Variants in CSRNP3 observed in about 807,000 individuals in gnomAD.
The protein encoded by CSRNP3 is cysteine/serine-rich nuclear protein 3.
Under a neutral mutation model 48.0 loss-of-function variants are expected in CSRNP3, and 12 were observed. The ratio of observed to expected loss-of-function variants is 0.25; its 90% CI spans 0.16 to 0.41. The LOEUF is 0.41. Ranked by LOEUF, CSRNP3 falls within the 10% of genes least tolerant of loss-of-function variation. CSRNP3 has a pLI of 1.00. For missense variants in CSRNP3, 580 were observed against 724.4 expected (o/e 0.80, Z 2.29); for synonymous variants, 263 against 269.7 (o/e 0.98, Z 0.24).
At chr2:165,570,219 C>A (rs1685350676) in intron 3 of CSRNP3, among the ~76,000 whole-genome samples, 1 of 151,920 alleles carries the variant, frequency 6.6e-6, no homozygotes, top group African/African-American at 2.4e-5. Context: ...AGATTATTAC[C>A]ATCCCGTGAT....
intron 5 of CSRNP3, among the ~76,000 whole-genome samples, chr2:165,660,292 G>A (rs964745457): frequency 1.3e-5 from 2 of 152,204 alleles, no homozygotes; most frequent in Non-Finnish European, 1.5e-5. Flanking sequence ...GGAAGACCCA[G>A]TGGAATAGGT....
At chr2:165,509,120 C>T (rs1684466692) in intron 2 of CSRNP3, among the ~76,000 whole-genome samples, 1 of 152,130 alleles carries the variant, frequency 6.6e-6, no homozygotes, top group Admixed American at 6.6e-5. Flanking sequence ...GAGAAAGCCC[C>T]TCCCCTCATG....
intron 2 of CSRNP3, among the ~76,000 whole-genome samples, chr2:165,507,367 G>A (rs1684440545): frequency 6.6e-6 from 1 of 152,068 alleles, no homozygotes; most frequent in Non-Finnish European, 1.5e-5. Flanking sequence ...TGGTACCCCA[G>A]AACCTAAGCA....
chr2:165,500,989 C>A lies in CSRNP3; in HGVS notation c.-113+6061C>A, dbSNP rs74370669. Among the ~76,000 whole-genome samples the A allele has an allele frequency of 9.3e-3, 1,422 of 152,168 alleles. 27 individuals carry two copies. Among genetic ancestry groups the A allele is most frequent in the African/African-American group, 0.032 (1,332 of 41,504 alleles). On this transcript the variant is annotated intron_variant, in intron 2 of 6. Coordinates refer to ENST00000651982, the MANE Select transcript of CSRNP3 (RefSeq NM_001172173.2). The stretch of plus-strand genomic sequence containing the variant: ...CCATTATCTTCTTGCTCTGTCAGAT[C>A]CAACTTTCTGCTGTTTGCTGTTTCT...
rs150879580 is a variant in CSRNP3, at chr2:165,503,810, C to T, written c.-113+8882C>T. On this transcript the variant is annotated intron_variant, in intron 2 of 6. Coordinates refer to ENST00000651982, the MANE Select transcript of CSRNP3 (RefSeq NM_001172173.2). ...TTTTGTAATTATATGTTCTGAAAGG[C>T]TTTTTGGGTACTAGAAAGGGTATAG... Among the ~76,000 whole-genome samples, 1,150 of 151,928 alleles carry T rather than the reference C, an allele frequency of 7.6e-3. 16 individuals carry two copies. Among genetic ancestry groups the T allele is most frequent in the African/African-American group, 0.026 (1,079 of 41,524 alleles).
chr2:165,622,517 A>T (rs1344916670), intron 4 of CSRNP3, among the ~76,000 whole-genome samples: 6 of 152,176 alleles, frequency 3.9e-5, no homozygotes, highest in Non-Finnish European at 8.8e-5. Context: ...TTAAAACTCT[A>T]ATCATAAGTA....
Position 165,477,504 on chromosome 2 carries a change from A to AATATATATATATATATATAATACAAAT in CSRNP3, c.-283+7780_-283+7781insATAATACAAATATATATATATATATAT, listed in dbSNP as rs35294627. Among the ~76,000 whole-genome samples the AATATATATATATATATATAATACAAAT allele has an allele frequency of 1.3e-4, 17 of 132,198 alleles. 1 individual carries two copies. The highest frequency in any genetic ancestry group is 4.5e-4 in the African/African-American group (16 of 35,558). 86.7% of individuals were successfully genotyped at this position (132,198 alleles called of 152,430 possible). On this transcript the variant is annotated intron_variant, in intron 1 of 6. Transcript: ENST00000651982. ...ATGAAATATATATATATATAATACA[A>AATATATATATATATATATAATACAAAT]ATATATATATATATATTAGCCAGGT...
At chr2:165,678,537 A>G (rs898126488) in intron 6 of CSRNP3, among the ~76,000 whole-genome samples, 164 bp from the exon 7 acceptor site, 1 of 152,178 alleles carries the variant, frequency 6.6e-6, no homozygotes, top group Admixed American at 6.5e-5. Context: ...TTAAGCCCTC[A>G]CTTTCCCCTT....
chr2:165,666,833 C>T (rs1183539716), intron 5 of CSRNP3, among the ~76,000 whole-genome samples: 20 of 44,894 alleles, frequency 4.5e-4, no homozygotes, highest in Middle Eastern at 0.019. Flanking sequence ...AAAGGAAGGA[C>T]GGAAGGAAGG....
intron 3 of CSRNP3, among the ~76,000 whole-genome samples, chr2:165,587,647 G>T (rs1685653504): frequency 6.6e-6 from 1 of 152,222 alleles, no homozygotes; most frequent in East Asian, 1.9e-4. Context: ...CCTAGTTCCT[G>T]TTTCCTGAGT....
At chr2:165,663,556 G>A (rs889824150) in intron 5 of CSRNP3, among the ~76,000 whole-genome samples, 1 of 152,194 alleles carries the variant, frequency 6.6e-6, no homozygotes, top group Non-Finnish European at 1.5e-5. Flanking sequence ...TTAAGAATAT[G>A]TTCTTTCAAA....
chr2:165,669,534 T>C (rs184477159), intron 5 of CSRNP3, among the ~76,000 whole-genome samples: 1 of 152,330 alleles, frequency 6.6e-6, no homozygotes, highest in African/African-American at 2.4e-5. Flanking sequence ...GCTGTCTGGG[T>C]ATCATTCCAC....
chr2:165,511,747 A>G (rs1016904526), intron 2 of CSRNP3, among the ~76,000 whole-genome samples: 1 of 152,178 alleles, frequency 6.6e-6, no homozygotes, highest in African/African-American at 2.4e-5. Context: ...ATGAATTATC[A>G]AAGAAAGTGT....
rs552779817 is a variant in CSRNP3 at position 165,484,253 on chromosome 2, C to T, written c.-282-10506C>T. 1.2e-4 allele frequency among the ~76,000 whole-genome samples: 19 copies of T among 152,144 alleles called. No individual in the cohort carries two copies. In the South Asian group the frequency reaches 2.3e-3, roughly 18 times the overall value. On this transcript the variant is annotated intron_variant, in intron 1 of 6. Coordinates refer to ENST00000651982, the MANE Select transcript of CSRNP3 (RefSeq NM_001172173.2). ...TGTTACAGGCATGCACCACCACATT[C>T]GGCTAATTTTTGTATTTTTAGTAGA...
At chr2:165,485,293 C>T (rs1257723263) in intron 1 of CSRNP3, among the ~76,000 whole-genome samples, 7 of 152,130 alleles carry the variant, frequency 4.6e-5, no homozygotes, top group Admixed American at 1.3e-4. Context: ...GCAAATATAT[C>T]ACCTTGACAG....
intron 4 of CSRNP3, among the ~76,000 whole-genome samples, chr2:165,601,762 C>G (rs574235609): frequency 1.8e-4 from 28 of 152,132 alleles, no homozygotes; most frequent in African/African-American, 6.7e-4. Context: ...CAGTCTTTCC[C>G]CAGTGTGATT....
chr2:165,558,426 A>G (rs781060927), intron 3 of CSRNP3, among the ~76,000 whole-genome samples: 8 of 152,164 alleles, frequency 5.3e-5, no homozygotes, highest in Non-Finnish European at 1.2e-4. Context: ...TGGCATGTAT[A>G]TTTTCAAAGG....
At chr2:165,550,465 A>T (rs1685082243) in intron 3 of CSRNP3, among the ~76,000 whole-genome samples, 1 of 152,200 alleles carries the variant, frequency 6.6e-6, no homozygotes, top group Admixed American at 6.5e-5. Context: ...GTTTAGAATT[A>T]GCTAAGAGTC....
chr2:165,498,653 T>C (rs1378561357), intron 2 of CSRNP3, among the ~76,000 whole-genome samples: 1 of 152,176 alleles, frequency 6.6e-6, no homozygotes. Flanking sequence ...TAAAATTTTA[T>C]TTATCTATAA....
Sources: allele counts gnomAD v4.1 joint callset (sites outside exome capture counted in the v4.1 genomes callset), GRCh38; gene constraint gnomAD v4.1.1; transcripts MANE v1.5; gene names NCBI Gene and HGNC (gene_info 2026-07-23, HGNC 2026-07-21).